The following NALCN variants were observed in gnomAD, a reference collection of about 807,000 sequenced individuals.
The protein encoded by NALCN is sodium leak channel, non-selective.
Under a neutral mutation model 225.3 loss-of-function variants are expected in NALCN, and 111 were observed. The ratio of observed to expected loss-of-function variants is 0.49; its 90% CI spans 0.42 to 0.58. The LOEUF (loss-of-function observed/expected upper bound fraction) is 0.58. NALCN is among the 20% of genes least tolerant of loss of function. NALCN has a pLI of 0.00. For synonymous variants in NALCN, 764 were observed against 769.0 expected, an observed-to-expected ratio of 0.99 and a Z score of 0.11; for missense variants, 1,378 against 2,202.4, an observed-to-expected ratio of 0.63 and a Z score of 7.49.
chr13:101,119,177 G>T (rs1310868686), intron 18 of NALCN, among the ~76,000 whole-genome samples: 1 of 152,114 alleles, frequency 6.6e-6, no homozygotes, highest in Non-Finnish European at 1.5e-5. Flanking sequence ...TTACATAATT[G>T]CAGATTAATA....
At chr13:101,139,169 G>A (rs1375735101) in intron 17 of NALCN, among the ~76,000 whole-genome samples, 2 of 152,164 alleles carry the variant, frequency 1.3e-5, no homozygotes, top group African/African-American at 4.8e-5. Context: ...TGATCCACCA[G>A]GGCTATTTTT....
At chr13:101,223,329 C>T (rs1208923352) in intron 13 of NALCN, among the ~76,000 whole-genome samples, 1 of 152,174 alleles carries the variant, frequency 6.6e-6, no homozygotes, top group African/African-American at 2.4e-5. Context: ...GGACACCTTC[C>T]AGGACAGGAT....
intron 37 of NALCN, among the ~76,000 whole-genome samples, chr13:101,069,756 G>T (rs2032713170): frequency 6.6e-6 from 1 of 152,132 alleles, no homozygotes; most frequent in African/African-American, 2.4e-5. Flanking sequence ...ATCCTTTGTT[G>T]TCATTATGAC....
chr13:101,090,079 T>C (rs572865228), intron 28 of NALCN, 113 bp from the exon 29 acceptor site: 143 of 1,418,272 alleles, frequency 1.0e-4, no homozygotes, highest in Non-Finnish European at 1.3e-4. Flanking sequence ...TGTGTGTATA[T>C]ACACACACAT....
chr13:101,144,955 T>TA, intron 15 of NALCN, 59 bp from the exon 16 acceptor site: 1 of 1,495,536 alleles, frequency 6.7e-7, no homozygotes, highest in Non-Finnish European at 8.9e-7. Context: ...TTATATACGT[T>TA]ACACAAAATT....
At chr13:101,238,293 G>A (rs1377604184) in intron 11 of NALCN, among the ~76,000 whole-genome samples, 1 of 151,422 alleles carries the variant, frequency 6.6e-6, no homozygotes, top group Admixed American at 6.6e-5. Flanking sequence ...TAATGTACAT[G>A]GCATATTATA....
intron 1 of NALCN, among the ~76,000 whole-genome samples, chr13:101,403,102 A>G (rs2047522362): frequency 6.6e-6 from 1 of 152,210 alleles, no homozygotes. Flanking sequence ...TCTCCTTTGT[A>G]GCCCAGAAAA....
intron 15 of NALCN, among the ~76,000 whole-genome samples, chr13:101,166,086 G>A (rs1406893183): frequency 6.6e-6 from 1 of 152,172 alleles, no homozygotes; most frequent in African/African-American, 2.4e-5. Flanking sequence ...TTTTATTCAT[G>A]TTTAAGGCTG....
intron 13 of NALCN, among the ~76,000 whole-genome samples, chr13:101,192,634 G>C (rs947522499): frequency 4.6e-5 from 7 of 151,952 alleles, no homozygotes; most frequent in Middle Eastern, 3.4e-3. Flanking sequence ...TCAAGGCACA[G>C]GGTCAAGATC....
chr13:101,113,817 G>A (rs917998406), intron 18 of NALCN, among the ~76,000 whole-genome samples: 1 of 152,192 alleles, frequency 6.6e-6, no homozygotes, highest in Admixed American at 6.5e-5. Context: ...AACCAAGCTT[G>A]TTTAACGCTC....
At position 101,371,193 on chromosome 13, in the gene NALCN, A is replaced by G. The variant is rs183912371; in HGVS notation, c.644+5507T>C. Among the ~76,000 whole-genome samples the G allele has an allele frequency of 9.8e-4, 149 of 152,298 alleles. 3 individuals carry two copies. Among genetic ancestry groups the G allele is most frequent in the African/African-American group, 3.0e-3 (124 of 41,560 alleles). On this transcript the variant is annotated intron_variant, in intron 6 of 43. Coordinates refer to ENST00000251127, the MANE Select transcript of NALCN (RefSeq NM_052867.4). ...GTTGTCACCAGTTTGGAGTACTATG[A>G]ATAAAGTTGCTGTGGGCATTCATGT...
intron 20 of NALCN, among the ~76,000 whole-genome samples, chr13:101,109,202 C>T (rs1317131446): frequency 2.0e-5 from 3 of 152,152 alleles, no homozygotes; most frequent in African/African-American, 7.2e-5. Context: ...ATATGGCTGA[C>T]TCTGCAGTTC....
rs550926562 is a variant in NALCN, at chr13:101,092,300, G to C, written c.3270-2334C>G. On this transcript the variant is annotated intron_variant, in intron 28 of 43. Coordinates refer to ENST00000251127, the MANE Select transcript of NALCN (RefSeq NM_052867.4). The stretch of plus-strand genomic sequence containing the variant: ...CCCTTGGGGAACATGGGGGCACCCT[G>C]AAGACGTGACTGAGCGTCTGCCCTT... 5.3e-5 allele frequency among the ~76,000 whole-genome samples: 8 copies of C among 152,322 alleles called. No homozygotes were observed. In the South Asian group the frequency reaches 6.2e-4, roughly 12 times the overall value.
intron 11 of NALCN, among the ~76,000 whole-genome samples, chr13:101,244,578 A>G (rs2041839468): frequency 6.6e-6 from 1 of 152,172 alleles, no homozygotes; most frequent in South Asian, 2.1e-4. Flanking sequence ...ACAAGCCAAC[A>G]CTCTAGCTCT....
Position 101,104,833 on chromosome 13 carries a change from A to G in NALCN, c.2636+61T>C, listed in dbSNP as rs1328369255. 1 of 1,579,748 alleles carries G rather than the reference A, an allele frequency of 6.3e-7. No homozygotes were observed. The highest frequency in any genetic ancestry group is 1.3e-5 in the African/African-American group (1 of 74,086). Reference sequence around the variant, plus strand: ...AAAGAGAATTTTAATCGTTGTATGCAGCATAAAATAGTACATGAAAACTTT... The same window carrying G: ...AAAGAGAATTTTAATCGTTGTATGCGGCATAAAATAGTACATGAAAACTTT... On this transcript the variant is annotated intron_variant, in intron 23 of 43. Coordinates refer to ENST00000251127, the MANE Select transcript of NALCN (RefSeq NM_052867.4). The surrounding 1 kb of genome is among the most constrained non-coding windows in gnomAD (Gnocchi z 4.2).
intron 15 of NALCN, among the ~76,000 whole-genome samples, chr13:101,145,891 T>C (rs1489409302): frequency 6.6e-6 from 1 of 152,188 alleles, no homozygotes; most frequent in African/African-American, 2.4e-5. Context: ...TCAAAAATCA[T>C]CCACTCATTT....
intron 10 of NALCN, among the ~76,000 whole-genome samples, chr13:101,271,019 A>C (rs1190851147): frequency 6.6e-6 from 1 of 152,220 alleles, no homozygotes; most frequent in Non-Finnish European, 1.5e-5. Context: ...GTAAACATTC[A>C]AGAGTTATAG....
intron 43 of NALCN, 140 bp downstream of exon 43, chr13:101,057,799 C>T (rs1021301517): frequency 3.1e-5 from 23 of 745,070 alleles, no homozygotes; most frequent in Non-Finnish European, 5.3e-5. Context: ...TTTGACAAGA[C>T]TACATTTTTC....
chr13:101,390,708 G>T (rs2139471213), intron 3 of NALCN, among the ~76,000 whole-genome samples: 1 of 152,166 alleles, frequency 6.6e-6, no homozygotes, highest in East Asian at 1.9e-4. Flanking sequence ...TATGCTGCTG[G>T]TTAACATTAT....
Sources: allele counts gnomAD v4.1 joint callset (sites outside exome capture counted in the v4.1 genomes callset), GRCh38; gene constraint gnomAD v4.1.1; non-coding constraint Gnocchi (gnomAD v3.1); transcripts MANE v1.5; gene names NCBI Gene and HGNC (gene_info 2026-07-23, HGNC 2026-07-21).